FBN2: variants seen among roughly 807,000 people sequenced by gnomAD.
FBN2 encodes the protein fibrillin 2.
Under a neutral mutation model 355.6 loss-of-function variants are expected in FBN2, and 105 were observed. That is an observed-to-expected ratio of 0.30 (90% confidence interval 0.25 to 0.35). The LOEUF is 0.35. Among genes scored for constraint, FBN2 ranks in the 10% least tolerant of loss-of-function variants. The probability of loss-of-function intolerance (pLI) is 1.00; values close to 1 mark genes in which losing one functional copy is unlikely to be tolerated. For synonymous variants in FBN2, 1,350 were observed against 1,301.2 expected, an observed-to-expected ratio of 1.04 and a Z score of -0.81; for missense variants, 3,280 against 3,758.7, an observed-to-expected ratio of 0.87 and a Z score of 3.33.
chr5:128,270,298 G>A (rs899557577), intron 62 of FBN2, among the ~76,000 whole-genome samples: 2 of 152,092 alleles, frequency 1.3e-5, no homozygotes, highest in African/African-American at 4.8e-5. Flanking sequence ...AGGCTGAGGC[G>A]GGTGGATCAC....
intron 11 of FBN2, among the ~76,000 whole-genome samples, chr5:128,391,221 C>G (rs1330343340): frequency 6.6e-6 from 1 of 152,102 alleles, no homozygotes. Flanking sequence ...ATCTGAAAGT[C>G]TATGCAATAT....
chr5:128,434,400 A>ATATATATG lies in FBN2; in HGVS notation c.952+12080_952+12081insCATATATA, dbSNP rs1208605065. ...CTGGCAGTGAATAAAGTGTGTATAT[A>ATATATATG]TATATATATATATATATATATATAT... is the stretch of plus-strand genomic sequence containing the variant. On this transcript the variant is annotated intron_variant, in intron 7 of 64. Coordinates refer to ENST00000262464, the MANE Select transcript of FBN2 (RefSeq NM_001999.4). 3.6e-4 allele frequency among the ~76,000 whole-genome samples: 26 copies of ATATATATG among 71,504 alleles called. 2 individuals are homozygous for ATATATATG. Among genetic ancestry groups the ATATATATG allele is most frequent in the African/African-American group, 8.8e-4 (14 of 15,894 alleles). 46.9% of individuals were successfully genotyped at this position (71,504 alleles called of 152,430 possible).
At chr5:128,368,121 A>G (rs1477358518) in intron 16 of FBN2, among the ~76,000 whole-genome samples, 1 of 151,994 alleles carries the variant, frequency 6.6e-6, no homozygotes, top group East Asian at 1.9e-4. Flanking sequence ...TGCTCTCTCC[A>G]TACTTGAACC....
intron 52 of FBN2, 66 bp from the exon 53 acceptor site, chr5:128,288,623 AC>A: frequency 6.4e-7 from 1 of 1,573,530 alleles, no homozygotes; most frequent in Non-Finnish European, 8.7e-7. Flanking sequence ...GCCCAGGAAG[AC>A]CCATGCTTGG....
At chr5:128,483,907 A>G (rs1384165144) in intron 5 of FBN2, among the ~76,000 whole-genome samples, 2 of 152,168 alleles carry the variant, frequency 1.3e-5, no homozygotes, top group Non-Finnish European at 2.9e-5. Flanking sequence ...ACTTAACCGC[A>G]TATCAATCCC....
rs577754492 is a variant in FBN2, at chr5:128,269,888, A to AT, written c.7960+2110dup. Among the ~76,000 whole-genome samples, 14 of 152,322 alleles carry AT rather than the reference A, an allele frequency of 9.2e-5. No individual in the cohort carries two copies. The East Asian group carries it at 2.5e-3, about 27-fold the overall frequency. On this transcript the variant is annotated intron_variant, in intron 62 of 64. Coordinates refer to ENST00000262464, the MANE Select transcript of FBN2 (RefSeq NM_001999.4). ...CCAAAGAAGAGCGTGTATAGCCAAG[A>AT]TAATCCTAAGCAAAAGGAACAAAGC... is the stretch of plus-strand genomic sequence containing the variant.
chr5:128,303,009 G>A lies in FBN2; in HGVS notation c.5881C>T (p.Pro1961Ser), dbSNP rs771482774. The change falls in exon 46 of 65, where the codon CCA becomes TCA. Residue 1961 changes from proline (P) to serine (S), a missense_variant. Coordinates refer to ENST00000262464, the MANE Select transcript of FBN2 (RefSeq NM_001999.4). ...TTATTATGAGTGAGTTCAAACCCTG[G>A]GTAGCACAGACAGTTATAGGATCCA... ...TVGSYNCLCYPGFELTHNNDC... is the reference protein window; with the variant it reads ...TVGSYNCLCYSGFELTHNNDC... 2.5e-6 allele frequency: 4 copies of A among 1,609,740 alleles called. No individual in the cohort carries two copies. In the South Asian group the frequency reaches 4.4e-5, roughly 18 times the overall value.
chr5:128,506,942 T>TA (rs1755978768), intron 5 of FBN2, among the ~76,000 whole-genome samples: 1 of 152,154 alleles, frequency 6.6e-6, no homozygotes, highest in African/African-American at 2.4e-5. Context: ...CTCAATTGGC[T>TA]ATGATCTATT....
At chr5:128,302,859 C>A in intron 46 of FBN2, 114 bp downstream of exon 46, 1 of 746,874 alleles carries the variant, frequency 1.3e-6, no homozygotes, top group Non-Finnish European at 2.4e-6. Flanking sequence ...TCTTTTGGCA[C>A]ATATTTGCAA....
At chr5:128,448,812 C>T (rs1241009315) in intron 6 of FBN2, among the ~76,000 whole-genome samples, 1 of 151,996 alleles carries the variant, frequency 6.6e-6, no homozygotes, top group East Asian at 1.9e-4. Flanking sequence ...TCCTTGAACA[C>T]TCTTATATTG....
At position 128,345,565 on chromosome 5, in the gene FBN2, A is replaced by G. The variant is rs878895618; in HGVS notation, c.3009T>C (p.Cys1003=). The G allele has an allele frequency of 6.2e-7, 1 of 1,612,362 alleles. No individual in the cohort carries two copies. Among genetic ancestry groups the G allele is most frequent in the East Asian group, 2.2e-5 (1 of 44,706 alleles). Reference sequence around the variant, plus strand: ...ATTCATCTTCATCCCACTTCAAGTAACACTGCTCCATGCGAATATCTACAC... The same window carrying G: ...ATTCATCTTCATCCCACTTCAAGTAGCACTGCTCCATGCGAATATCTACAC... ...RVCLDIRMEQ[C]YLKWDEDECI... The change falls in exon 24 of 65, where the codon TGT becomes TGC. Residue 1003 remains cysteine, a synonymous_variant. Transcript: ENST00000262464.
intron 25 of FBN2, among the ~76,000 whole-genome samples, chr5:128,341,864 A>T (rs925904214): frequency 1.3e-5 from 2 of 152,222 alleles, no homozygotes; most frequent in African/African-American, 4.8e-5. Context: ...CAGGTAATTG[A>T]AATAGCCAGT....
intron 5 of FBN2, among the ~76,000 whole-genome samples, chr5:128,487,528 C>G (rs1219755179): frequency 6.6e-6 from 1 of 152,096 alleles, no homozygotes; most frequent in Non-Finnish European, 1.5e-5. Flanking sequence ...TCACAATACA[C>G]ATTTTTAAAA....
intron 48 of FBN2, among the ~76,000 whole-genome samples, chr5:128,299,668 G>A (rs554723943): frequency 2.0e-5 from 3 of 152,268 alleles, no homozygotes; most frequent in South Asian, 2.1e-4. Flanking sequence ...GCAATGCCTC[G>A]CCCTGCTTTG....
chr5:128,328,625 C>G, intron 34 of FBN2, 71 bp downstream of exon 34: 2 of 1,546,198 alleles, frequency 1.3e-6, no homozygotes, highest in Non-Finnish European at 1.8e-6. Flanking sequence ...GAGCTTGTTC[C>G]AGCCCTTGTT....
intron 11 of FBN2, among the ~76,000 whole-genome samples, chr5:128,390,955 T>A (rs1333527622): frequency 6.6e-6 from 1 of 152,206 alleles, no homozygotes; most frequent in Non-Finnish European, 1.5e-5. Flanking sequence ...ATGGTGATAT[T>A]CTCAAATATG....
chr5:128,340,796 G>A (rs1313855936), intron 25 of FBN2, among the ~76,000 whole-genome samples: 1 of 151,608 alleles, frequency 6.6e-6, no homozygotes, highest in Non-Finnish European at 1.5e-5. Context: ...CATAGAAAGT[G>A]CTCTCTCTTT....
intron 34 of FBN2, 122 bp from the exon 35 acceptor site, chr5:128,319,123 T>C: frequency 2.6e-6 from 2 of 756,654 alleles, no homozygotes; most frequent in Non-Finnish European, 4.4e-6. Context: ...AGGCTTTTTT[T>C]TTCTCTTTTT....
chr5:128,495,733 G>T (rs1027406043), intron 5 of FBN2, among the ~76,000 whole-genome samples: 3 of 151,998 alleles, frequency 2.0e-5, no homozygotes, highest in African/African-American at 7.2e-5. Flanking sequence ...AGATAAAGTT[G>T]GCAAACCTTT....
Sources: allele counts gnomAD v4.1 joint callset (sites outside exome capture counted in the v4.1 genomes callset), GRCh38; gene constraint gnomAD v4.1.1; transcripts MANE v1.5; gene names NCBI Gene and HGNC (gene_info 2026-07-23, HGNC 2026-07-21).